Variants in RNF220 observed in about 807,000 individuals in gnomAD.
The protein encoded by RNF220 is E3 ubiquitin-protein ligase RNF220.
In RNF220, 7 loss-of-function variants were observed where a neutral mutation model predicts 67.1. The ratio of observed to expected loss-of-function variants is 0.10; its 90% CI spans 0.06 to 0.20. The LOEUF (loss-of-function observed/expected upper bound fraction) is 0.20. Ranked by LOEUF, RNF220 falls within the 10% of genes least tolerant of loss-of-function variation. The pLI, the probability that RNF220 is intolerant of heterozygous loss-of-function variation, is 1.00. For missense variants in RNF220, 565 were observed against 740.3 expected (o/e 0.76, Z 2.75); for synonymous variants, 270 against 283.2 (o/e 0.95, Z 0.47).
intron 2 of RNF220, among the ~76,000 whole-genome samples, chr1:44,506,158 C>G (rs1345696553): frequency 6.6e-6 from 1 of 152,186 alleles, no homozygotes; most frequent in Non-Finnish European, 1.5e-5. Flanking sequence ...AGTTATTGTC[C>G]CTTACATTTC....
chr1:44,644,021 T>C (rs891607634), intron 8 of RNF220: 1 of 153,298 alleles, frequency 6.5e-6, no homozygotes, highest in African/African-American at 2.4e-5. Flanking sequence ...GTTGCCTTCA[T>C]GGACTGCTTT....
intron 2 of RNF220, among the ~76,000 whole-genome samples, chr1:44,570,557 C>T (rs1485531732): frequency 1.3e-5 from 2 of 152,064 alleles, no homozygotes; most frequent in East Asian, 1.9e-4. Flanking sequence ...AGGCTAAAGC[C>T]GAAGTCTCCT....
intron 2 of RNF220, among the ~76,000 whole-genome samples, chr1:44,541,257 A>T (rs1214278797): frequency 6.6e-6 from 1 of 152,094 alleles, no homozygotes; most frequent in Non-Finnish European, 1.5e-5. Flanking sequence ...GCAAAACTTC[A>T]TCTCTACTAA....
Position 44,650,814 on chromosome 1 carries a change from A to G in RNF220, c.*39A>G. ...GGCAGGCCTCGCCTCCAGCAGCCCC[A>G]CCTGCCCCCAGCCTCTGTGACAGTG... On this transcript the variant is annotated 3_prime_UTR_variant, in exon 15 of 15. Transcript: ENST00000361799. This position sits in a 1 kb window ranked among gnomAD's most constrained non-coding sequence, Gnocchi z 4.3. The G allele has an allele frequency of 6.3e-7, 1 of 1,582,502 alleles. No homozygotes were observed. The highest frequency in any genetic ancestry group is 8.7e-7 in the Non-Finnish European group (1 of 1,154,944).
At chr1:44,522,056 T>G (rs778952006) in intron 2 of RNF220, among the ~76,000 whole-genome samples, 8 of 152,104 alleles carry the variant, frequency 5.3e-5, no homozygotes, top group Non-Finnish European at 1.2e-4. Context: ...AACTTTAGGA[T>G]TTATTAAGAA....
chr1:44,530,307 C>T (rs1386367818), intron 2 of RNF220, among the ~76,000 whole-genome samples: 1 of 152,050 alleles, frequency 6.6e-6, no homozygotes, highest in Non-Finnish European at 1.5e-5. Flanking sequence ...AGTCTTTTGA[C>T]AAGATGGAGC....
chr1:44,642,834 T>C (rs1644527142), intron 8 of RNF220, among the ~76,000 whole-genome samples: 1 of 152,194 alleles, frequency 6.6e-6, no homozygotes, highest in African/African-American at 2.4e-5. Context: ...TGAGGCCAGC[T>C]GCTGAGCTGC....
chr1:44,585,470 G>A (rs940475602), intron 2 of RNF220, among the ~76,000 whole-genome samples: 4 of 152,166 alleles, frequency 2.6e-5, no homozygotes, highest in African/African-American at 7.2e-5. Context: ...CATTCACTCC[G>A]TTAACCATGG....
Position 44,649,777 on chromosome 1 carries a change from G to A in RNF220, c.1554+8G>A. 1 of 1,613,960 alleles carries A rather than the reference G, an allele frequency of 6.2e-7. No homozygotes were observed. Among genetic ancestry groups the A allele is most frequent in the Non-Finnish European group, 8.5e-7 (1 of 1,179,892 alleles). Reference sequence around the variant, plus strand: ...AAATGCCTCATCTGCATGGTGAGTAGAAAAGAACCTAGGGGTGCCCTTGGT... The same window carrying A: ...AAATGCCTCATCTGCATGGTGAGTAAAAAAGAACCTAGGGGTGCCCTTGGT... On this transcript the variant is annotated splice_region_variant and intron_variant, in intron 13 of 14. Coordinates refer to ENST00000361799, the MANE Select transcript of RNF220 (RefSeq NM_018150.4). The surrounding 1 kb of genome is among the most constrained non-coding windows in gnomAD (Gnocchi z 5.9).
intron 2 of RNF220, among the ~76,000 whole-genome samples, chr1:44,550,150 G>T (rs1015659896): frequency 6.6e-6 from 1 of 152,246 alleles, no homozygotes; most frequent in Non-Finnish European, 1.5e-5. Flanking sequence ...TAGCATGAGC[G>T]TAGGCCTGAG....
At chr1:44,532,596 C>T (rs569300400) in intron 2 of RNF220, among the ~76,000 whole-genome samples, 10 of 152,146 alleles carry the variant, frequency 6.6e-5, no homozygotes, top group East Asian at 1.9e-4. Flanking sequence ...TATAAGAGGC[C>T]GAATTGTTTT....
intron 2 of RNF220, among the ~76,000 whole-genome samples, chr1:44,459,589 C>G (rs762084165): frequency 6.6e-6 from 1 of 152,012 alleles, no homozygotes; most frequent in African/African-American, 2.4e-5. Flanking sequence ...TGGGGATCTT[C>G]GAACAAAAAA....
intron 2 of RNF220, among the ~76,000 whole-genome samples, chr1:44,596,262 G>A (rs1386934626): frequency 6.6e-6 from 1 of 152,006 alleles, no homozygotes; most frequent in African/African-American, 2.4e-5. Flanking sequence ...GGGCAGAGAA[G>A]TAAAAAGACA....
intron 2 of RNF220, among the ~76,000 whole-genome samples, chr1:44,580,890 T>C (rs1043938204): frequency 2.0e-5 from 3 of 152,234 alleles, no homozygotes; most frequent in African/African-American, 7.2e-5. Context: ...GCCTAGGGCC[T>C]GTGTCCATTC....
chr1:44,570,176 GC>G (rs1484808893), intron 2 of RNF220, among the ~76,000 whole-genome samples: 1 of 152,216 alleles, frequency 6.6e-6, no homozygotes, highest in Non-Finnish European at 1.5e-5. Flanking sequence ...TAGTGCCTGT[GC>G]TTTTCCATCC....
intron 2 of RNF220, among the ~76,000 whole-genome samples, chr1:44,582,355 TA>T (rs1665349660): frequency 6.6e-6 from 1 of 152,030 alleles, no homozygotes; most frequent in Non-Finnish European, 1.5e-5. Flanking sequence ...GTCCAGTATT[TA>T]AAGGATGGGA....
intron 2 of RNF220, among the ~76,000 whole-genome samples, chr1:44,466,339 C>T (rs576486978): frequency 6.6e-6 from 1 of 152,266 alleles, no homozygotes; most frequent in African/African-American, 2.4e-5. Context: ...GTTACTTTCT[C>T]CACTAAGGTC....
chr1:44,561,318 T>G (rs891152450), intron 2 of RNF220, among the ~76,000 whole-genome samples: 1 of 152,098 alleles, frequency 6.6e-6, no homozygotes, highest in Non-Finnish European at 1.5e-5. Context: ...AAGACTAGCC[T>G]GGCCAACATG....
intron 2 of RNF220, among the ~76,000 whole-genome samples, chr1:44,420,854 G>A (rs905502084): frequency 2.0e-5 from 3 of 152,210 alleles, no homozygotes; most frequent in African/African-American, 7.2e-5. Flanking sequence ...CACATACTAA[G>A]TATTCAATAC....
Sources: allele counts gnomAD v4.1 joint callset (sites outside exome capture counted in the v4.1 genomes callset), GRCh38; gene constraint gnomAD v4.1.1; non-coding constraint Gnocchi (gnomAD v3.1); transcripts MANE v1.5; gene names NCBI Gene and HGNC (gene_info 2026-07-23, HGNC 2026-07-21).